ZNF804B: variants seen among roughly 807,000 people sequenced by gnomAD.
ZNF804B encodes the protein zinc finger 804B.
A neutral mutation model predicts 101.4 loss-of-function variants in ZNF804B; 80 were observed. The ratio of observed to expected loss-of-function variants is 0.79; its 90% CI spans 0.66 to 0.95. ZNF804B has a LOEUF of 0.95. Ranked by LOEUF, ZNF804B falls within the 40% of genes least tolerant of loss-of-function variation. ZNF804B has a pLI of 0.00. For missense variants in ZNF804B, 1,673 were observed against 1,561.9 expected (o/e 1.07, Z -1.20); for synonymous variants, 622 against 558.8 (o/e 1.11, Z -1.59).
chr7:89,137,500 C>T (rs909443619), intron 1 of ZNF804B, among the ~76,000 whole-genome samples: 104 of 152,122 alleles, frequency 6.8e-4, no homozygotes, highest in African/African-American at 2.4e-3. Flanking sequence ...AGACTGGCAG[C>T]ATTTTGTCCC....
At position 89,298,216 on chromosome 7, in the gene ZNF804B, G is replaced by GTGTATATATATA. The variant is rs1421058768; in HGVS notation, c.250-29127_250-29126insGTATATATATAT. Among the ~76,000 whole-genome samples, 35 of 27,508 alleles carry GTGTATATATATA rather than the reference G, an allele frequency of 1.3e-3. 2 individuals carry two copies. Among genetic ancestry groups the GTGTATATATATA allele is most frequent in the African/African-American group, 4.5e-3 (29 of 6,402 alleles). 18.0% of individuals were successfully genotyped at this position (27,508 alleles called of 152,430 possible). On this transcript the variant is annotated intron_variant, in intron 2 of 3. Coordinates refer to ENST00000333190, the MANE Select transcript of ZNF804B (RefSeq NM_181646.5). ...ATATCTATATAGTGTGTGTGTGTGT[G>GTGTATATATATA]TATATATATATATATATATATATAT...
chr7:88,978,328 T>A (rs1227515724), intron 1 of ZNF804B, among the ~76,000 whole-genome samples: 2 of 151,826 alleles, frequency 1.3e-5, no homozygotes, highest in Admixed American at 1.3e-4. Flanking sequence ...GGTGTTGGTC[T>A]TCGTCTATTA....
At chr7:88,778,320 A>G (rs1350870002) in intron 1 of ZNF804B, among the ~76,000 whole-genome samples, 1 of 152,158 alleles carries the variant, frequency 6.6e-6, no homozygotes, top group Non-Finnish European at 1.5e-5. Context: ...TCATGGTTCG[A>G]TCGGGCCCAC....
At chr7:89,022,803 A>G (rs1044121416) in intron 1 of ZNF804B, among the ~76,000 whole-genome samples, 1 of 152,228 alleles carries the variant, frequency 6.6e-6, no homozygotes, top group Non-Finnish European at 1.5e-5. Flanking sequence ...AACGATAAGT[A>G]GGAGAAAGGA....
rs369556818 is a variant in ZNF804B at position 88,760,575 on chromosome 7, T to C, written c.108+491T>C. ...GTTATAGGTAGTGAAAACTTGATTA[T>C]ATCTAATGCTCAACTATGCACATTC... On this transcript the variant is annotated intron_variant, in intron 1 of 3. Coordinates refer to ENST00000333190, the MANE Select transcript of ZNF804B (RefSeq NM_181646.5). Among the ~76,000 whole-genome samples the C allele has an allele frequency of 2.0e-5, 3 of 152,178 alleles. No individual in the cohort carries two copies. The East Asian group carries it at 5.8e-4, about 29-fold the overall frequency.
chr7:89,153,957 T>A (rs1180737322), intron 1 of ZNF804B, among the ~76,000 whole-genome samples: 1 of 152,142 alleles, frequency 6.6e-6, no homozygotes, highest in Non-Finnish European at 1.5e-5. Flanking sequence ...GCTTCTTTGC[T>A]TATATGCTGT....
chr7:88,971,024 A>T (rs1313869639), intron 1 of ZNF804B, among the ~76,000 whole-genome samples: 1 of 151,310 alleles, frequency 6.6e-6, no homozygotes, highest in Non-Finnish European at 1.5e-5. Context: ...AGAATAAAAA[A>T]ATAAAAAAAA....
intron 1 of ZNF804B, among the ~76,000 whole-genome samples, chr7:88,815,480 T>TTA (rs973194361): frequency 2.0e-5 from 3 of 149,954 alleles, no homozygotes; most frequent in African/African-American, 7.3e-5. Flanking sequence ...TTAGAATATA[T>TTA]TATATATATT....
intron 1 of ZNF804B, among the ~76,000 whole-genome samples, chr7:88,760,753 T>A (rs1789882567): frequency 6.6e-6 from 1 of 151,502 alleles, no homozygotes; most frequent in Non-Finnish European, 1.5e-5. Flanking sequence ...ACATTCTTTT[T>A]ATAAAATAAT....
chr7:89,268,825 T>C (rs939260824), intron 2 of ZNF804B, among the ~76,000 whole-genome samples: 3 of 152,092 alleles, frequency 2.0e-5, no homozygotes, highest in African/African-American at 7.2e-5. Flanking sequence ...GCTTTCCTCA[T>C]ACATATAAAC....
intron 2 of ZNF804B, among the ~76,000 whole-genome samples, chr7:89,244,066 A>G (rs2115770045): frequency 6.6e-6 from 1 of 152,114 alleles, no homozygotes; most frequent in Middle Eastern, 3.4e-3. Flanking sequence ...ATTTTTGTAT[A>G]ATGTGGTTTA....
intron 1 of ZNF804B, among the ~76,000 whole-genome samples, chr7:89,024,095 A>C (rs1788708996): frequency 6.6e-6 from 1 of 152,130 alleles, no homozygotes; most frequent in African/African-American, 2.4e-5. Context: ...ACTGCCAAAC[A>C]GCTGTGATTT....
chr7:88,770,429 G>T (rs896921884), intron 1 of ZNF804B, among the ~76,000 whole-genome samples: 4 of 152,182 alleles, frequency 2.6e-5, no homozygotes, highest in Admixed American at 2.6e-4. Context: ...CTTGAATCTG[G>T]AAAGGGCAAG....
At chr7:88,849,225 T>G (rs911875955) in intron 1 of ZNF804B, among the ~76,000 whole-genome samples, 6 of 152,180 alleles carry the variant, frequency 3.9e-5, no homozygotes, top group Non-Finnish European at 7.3e-5. Flanking sequence ...GCCTTTGTAC[T>G]CTCCAATTTT....
intron 1 of ZNF804B, among the ~76,000 whole-genome samples, chr7:88,841,184 T>C (rs2115805107): frequency 6.6e-6 from 1 of 152,292 alleles, no homozygotes; most frequent in South Asian, 2.1e-4. Context: ...TCACACATAA[T>C]AGGAATGTCA....
intron 2 of ZNF804B, among the ~76,000 whole-genome samples, chr7:89,266,440 G>C (rs1789797854): frequency 6.6e-6 from 1 of 152,088 alleles, no homozygotes; most frequent in African/African-American, 2.4e-5. Flanking sequence ...ATATATCTAG[G>C]TAGGAACTAT....
chr7:89,183,397 AG>A (rs1321207298), intron 1 of ZNF804B, among the ~76,000 whole-genome samples: 3 of 152,150 alleles, frequency 2.0e-5, no homozygotes, highest in African/African-American at 7.2e-5. Context: ...GTAAAAAAAA[AG>A]ATCCTAAAAA....
intron 1 of ZNF804B, among the ~76,000 whole-genome samples, chr7:88,781,812 C>T (rs1405267993): frequency 1.3e-5 from 2 of 151,940 alleles, no homozygotes; most frequent in African/African-American, 2.4e-5. Context: ...TGAAAATATC[C>T]TCAGGTTACT....
At chr7:89,083,776 T>G (rs1789732595) in intron 1 of ZNF804B, among the ~76,000 whole-genome samples, 2 of 151,902 alleles carry the variant, frequency 1.3e-5, no homozygotes, top group South Asian at 4.1e-4. Flanking sequence ...GGATTAAGTT[T>G]ATACCTGAAA....
Sources: allele counts gnomAD v4.1 joint callset (sites outside exome capture counted in the v4.1 genomes callset), GRCh38; gene constraint gnomAD v4.1.1; transcripts MANE v1.5; gene names NCBI Gene and HGNC (gene_info 2026-07-23, HGNC 2026-07-21).